The following LRRCC1 variants were observed in gnomAD, a reference collection of about 807,000 sequenced individuals.
LRRCC1 encodes leucine rich repeat and coiled-coil centrosomal protein 1, also known as leucine-rich repeat and coiled-coil domain-containing protein 1.
Under a neutral mutation model 126.0 loss-of-function variants are expected in LRRCC1, and 115 were observed. That is an observed-to-expected ratio of 0.91 (90% CI 0.78 to 1.07). LRRCC1 has a LOEUF of 1.07. LRRCC1 is among the 50% of genes least tolerant of loss of function. The pLI, the probability that LRRCC1 is intolerant of heterozygous loss-of-function variation, is 0.00. For missense variants in LRRCC1, 1,172 were observed against 1,175.7 expected, an observed-to-expected ratio of 1.00 and a Z score of 0.05; for synonymous variants, 400 against 393.4, an observed-to-expected ratio of 1.02 and a Z score of -0.20.
chr8:85,115,763 A>T (rs1322180158), intron 6 of LRRCC1, among the ~76,000 whole-genome samples, 179 bp downstream of exon 6: 1 of 152,098 alleles, frequency 6.6e-6, no homozygotes, highest in Non-Finnish European at 1.5e-5. Flanking sequence ...GTAAAAGGTA[A>T]CATAAATTTT....
Position 85,144,461 on chromosome 8 carries a change from TATATATATATATA to T in LRRCC1, c.2977-927_2977-915del, listed in dbSNP as rs1563963467. Among the ~76,000 whole-genome samples, 6 of 56,166 alleles carry T rather than the reference TATATATATATATA, an allele frequency of 1.1e-4. 1 individual carries two copies. Among genetic ancestry groups the T allele is most frequent in the African/African-American group, 1.6e-4 (3 of 19,252 alleles). The allele number at this position is 56,166 out of a possible 152,430, so 36.8% of individuals were successfully genotyped here. A position where few individuals can be genotyped will look rare whatever the true frequency, so the allele number is the denominator to read the frequency against. On this transcript the variant is annotated intron_variant, in intron 18 of 18. Transcript: ENST00000360375. The stretch of plus-strand genomic sequence containing the variant: ...GTGTGTGTGTATATATATATATATA[TATATATATATATA>T]TTTTTTTTTTTTTTGAGATGGAGTT...
intron 6 of LRRCC1, among the ~76,000 whole-genome samples, chr8:85,118,549 A>C (rs1382394600): frequency 6.6e-6 from 1 of 151,964 alleles, no homozygotes; most frequent in Admixed American, 6.6e-5. Flanking sequence ...TGAGGTTAGC[A>C]TTGCTTTTAT....
chr8:85,126,813 G>T lies in LRRCC1; in HGVS notation c.1397G>T (p.Ser466Ile). The change falls in exon 9 of 19, where the codon AGT (serine) becomes ATT (isoleucine). Residue 466 changes from serine (S) to isoleucine (I), a missense_variant. Coordinates refer to ENST00000360375, the MANE Select transcript of LRRCC1 (RefSeq NM_033402.5). Reference sequence around the variant, plus strand: ...GCAAATGAAAAAGAGGATATTCATAGTCTGGCTCTACTTACCACAGATAGG... The same window carrying T: ...GCAAATGAAAAAGAGGATATTCATATTCTGGCTCTACTTACCACAGATAGG... ...KHANEKEDIH[S>I]LALLTTDRLK... 1 of 1,611,892 alleles carries T rather than the reference G, an allele frequency of 6.2e-7. No homozygotes were observed. The highest frequency in any genetic ancestry group is 8.5e-7 in the Non-Finnish European group (1 of 1,179,604).
In LRRCC1 at chr8:85,138,063, A is replaced by G. The variant is rs780893915; in HGVS notation, c.2522A>G (p.Lys841Arg). 6.3e-7 allele frequency: 1 copy of G among 1,583,802 alleles called. No homozygotes were observed. The highest frequency in any genetic ancestry group is 8.6e-7 in the Non-Finnish European group (1 of 1,165,516). ...TTACAAGAAAAAGATGAACACATCA[A>G]AAGATTACAAGAAAAGATCACAGAA... Reference protein sequence around the residue: ...DCLQEKDEHIKRLQEKITEIE... With the variant: ...DCLQEKDEHIRRLQEKITEIE... Residue 841 changes from lysine to arginine, a missense_variant, in exon 16 of 19, where the codon AAA becomes AGA. Physicochemically the swap from Lys to Arg is conservative, Grantham distance 26. Transcript: ENST00000360375.
rs147814233 is a variant in LRRCC1 at position 85,127,380 on chromosome 8, A to G, written c.1421+543A>G. On this transcript the variant is annotated intron_variant, in intron 9 of 18. Coordinates refer to ENST00000360375, the MANE Select transcript of LRRCC1 (RefSeq NM_033402.5). Reference sequence around the variant, plus strand: ...TTCTGTGAAAATACCAGTTTTTTAAATTACAATAACTTTTTTTCTTCTGTT... The same window carrying G: ...TTCTGTGAAAATACCAGTTTTTTAAGTTACAATAACTTTTTTTCTTCTGTT... Among the ~76,000 whole-genome samples, 63 of 152,246 alleles carry G rather than the reference A, an allele frequency of 4.1e-4. 1 individual carries two copies. In the East Asian group the frequency reaches 0.011, roughly 27 times the overall value.
At chr8:85,133,816 C>G (rs1313503053) in intron 12 of LRRCC1, among the ~76,000 whole-genome samples, 3 of 152,174 alleles carry the variant, frequency 2.0e-5, no homozygotes, top group South Asian at 2.1e-4. Context: ...CCCCTACCCC[C>G]CTCTGTTTAT....
chr8:85,137,552 A>C lies in LRRCC1; in HGVS notation c.2418A>C (p.Glu806Asp). Residue 806 changes from glutamate to aspartate, a missense_variant, in exon 15 of 19, where the codon GAA (glutamate) becomes GAC (aspartate). Physicochemically the swap from Glu to Asp is conservative, Grantham distance 45. Transcript: ENST00000360375. The part of the protein sequence containing the change: ...RENECLRKTN[E>D]SDSDALRIKC... ...ATGAATGTCTGCGAAAGACAAATGAAAGTGATAGTGATGCATTAAGAATAA... is the reference window on the plus strand; with the variant it reads ...ATGAATGTCTGCGAAAGACAAATGACAGTGATAGTGATGCATTAAGAATAA... 1.9e-6 allele frequency: 3 copies of C among 1,562,232 alleles called. No homozygotes were observed. Among genetic ancestry groups the C allele is most frequent in the Non-Finnish European group, 1.7e-6 (2 of 1,159,098 alleles).
Position 85,115,462 on chromosome 8 carries a change from T to A in LRRCC1, c.808T>A (p.Leu270Met). Residue 270 changes from leucine (L) to methionine (M), a missense_variant, in exon 6 of 19, where the codon TTG (leucine) becomes ATG (methionine). Leu to Met is a conservative substitution (Grantham distance 15). Coordinates refer to ENST00000360375, the MANE Select transcript of LRRCC1 (RefSeq NM_033402.5). ...QFASTPSDAVLTSFMSVCQSS... is the reference protein window; with the variant it reads ...QFASTPSDAVMTSFMSVCQSS... The stretch of plus-strand genomic sequence containing the variant: ...TGCAAGTACACCAAGTGATGCTGTG[T>A]TGACGTCTTTTATGTCTGTGTGTCA... The A allele has an allele frequency of 6.2e-7, 1 of 1,613,614 alleles. No individual in the cohort carries two copies. Among genetic ancestry groups the A allele is most frequent in the Non-Finnish European group, 8.5e-7 (1 of 1,179,598 alleles).
chr8:85,145,660 TATTTATTA>T lies in LRRCC1; in HGVS notation c.*153_*160del, dbSNP rs1351527920. 2.3e-4 allele frequency: 15 copies of T among 65,172 alleles called. No individual in the cohort carries two copies. Among genetic ancestry groups the T allele is most frequent in the Admixed American group, 5.0e-4 (2 of 4,004 alleles). The allele number at this position is 65,172 out of a possible 1,614,324, so 4.0% of individuals were successfully genotyped here. The stretch of plus-strand genomic sequence containing the variant: ...ATATTTTTAAAGACTTTTGATCAAG[TATTTATTA>T]ATTGTATAGGTTTTTTATAATAAAT... On this transcript the variant is annotated 3_prime_UTR_variant, in exon 19 of 19. Transcript: ENST00000360375.
At chr8:85,119,736 G>T (rs1033256998) in intron 6 of LRRCC1, among the ~76,000 whole-genome samples, 4 of 151,984 alleles carry the variant, frequency 2.6e-5, no homozygotes, top group Admixed American at 6.6e-5. Context: ...GGCCTCAAGC[G>T]ATCCTCCTGC....
chr8:85,132,421 G>A (rs962425541), intron 12 of LRRCC1, among the ~76,000 whole-genome samples: 25 of 123,418 alleles, frequency 2.0e-4, no homozygotes, highest in African/African-American at 4.6e-4. Context: ...ATAGAGTCTC[G>A]CTCTGTTGCC....
chr8:85,123,528 G>A lies in LRRCC1; in HGVS notation c.1046G>A (p.Arg349Gln), dbSNP rs768909297. The A allele has an allele frequency of 3.1e-6, 5 of 1,610,870 alleles. No homozygotes were observed. The highest frequency in any genetic ancestry group is 2.2e-5 in the East Asian group (1 of 44,704). ...NRKECNRKVP[R>Q]RSKIPYDAKT... ...AAAGAATGCAATAGAAAAGTTCCTC[G>A]AAGATCAAAAATCCCTTATGATGCC... Residue 349 changes from arginine (R) to glutamine (Q), a missense_variant, in exon 7 of 19, where the codon CGA (arginine) becomes CAA (glutamine). By Grantham distance (43) the Arg-to-Gln change is conservative. Transcript: ENST00000360375.
intron 12 of LRRCC1, among the ~76,000 whole-genome samples, chr8:85,133,445 T>G (rs1009520139): frequency 6.6e-6 from 1 of 152,220 alleles, no homozygotes; most frequent in Non-Finnish European, 1.5e-5. Flanking sequence ...TAAACTCCTC[T>G]AGCATCATTA....
rs1214358663 is a variant in LRRCC1 at position 85,129,372 on chromosome 8, C to T, written c.1619C>T (p.Ala540Val). The T allele has an allele frequency of 3.1e-6, 5 of 1,607,644 alleles. No homozygotes were observed. In the African/African-American group the frequency reaches 5.4e-5, roughly 17 times the overall value. ...GAGAGACAAAAAAGGCAGCAGCAGG[C>T]AGCACAGGTATTTCTCTATTTTAAT... ...KMERQKRQQQ[A>V]AQIRLIQEVE... is the part of the protein sequence containing the mutation. The change falls in exon 10 of 19, where the codon GCA becomes GTA. Residue 540 changes from alanine (A) to valine (V), a missense_variant. Coordinates refer to ENST00000360375, the MANE Select transcript of LRRCC1 (RefSeq NM_033402.5).
intron 18 of LRRCC1, among the ~76,000 whole-genome samples, chr8:85,143,210 A>T (rs1352971232): frequency 6.6e-6 from 1 of 152,064 alleles, no homozygotes; most frequent in African/African-American, 2.4e-5. Context: ...TAATCCAGCT[A>T]CTTGGGAGGC....
intron 6 of LRRCC1, among the ~76,000 whole-genome samples, chr8:85,120,245 T>C (rs1809435667): frequency 6.6e-6 from 1 of 152,218 alleles, no homozygotes; most frequent in African/African-American, 2.4e-5. Context: ...AGGTGAACCA[T>C]GTCTTTACTC....
chr8:85,144,715 C>T (rs1320746098), intron 18 of LRRCC1, among the ~76,000 whole-genome samples: 1 of 144,728 alleles, frequency 6.9e-6, no homozygotes, highest in Non-Finnish European at 1.5e-5. Flanking sequence ...CTGCCCACTT[C>T]GGCCTCCCAA....
At chr8:85,113,581 C>T (rs907061042) in intron 4 of LRRCC1, among the ~76,000 whole-genome samples, 2 of 151,750 alleles carry the variant, frequency 1.3e-5, no homozygotes, top group African/African-American at 4.8e-5. Context: ...TGTGTGTGCT[C>T]AGTATATACA....
chr8:85,113,743 A>G (rs1452337462), intron 4 of LRRCC1, among the ~76,000 whole-genome samples: 1 of 152,126 alleles, frequency 6.6e-6, no homozygotes, highest in Non-Finnish European at 1.5e-5. Context: ...TACATTATTA[A>G]TAAATGATTT....
Sources: allele counts gnomAD v4.1 joint callset (sites outside exome capture counted in the v4.1 genomes callset), GRCh38; gene constraint gnomAD v4.1.1; transcripts MANE v1.5; gene names NCBI Gene and HGNC (gene_info 2026-07-23, HGNC 2026-07-21).